The following PDE1C variants were observed in gnomAD, a reference collection of about 807,000 sequenced individuals.
PDE1C encodes the protein phosphodiesterase 1C.
Under a neutral mutation model 93.1 loss-of-function variants are expected in PDE1C, and 62 were observed. The observed-to-expected ratio is 0.67, with a 90% CI of 0.54 to 0.82. PDE1C has a LOEUF of 0.82. Ranked by LOEUF, PDE1C falls within the 40% of genes least tolerant of loss-of-function variation. The pLI, the probability that PDE1C is intolerant of heterozygous loss-of-function variation, is 0.00. For synonymous variants in PDE1C, 325 were observed against 310.1 expected, an observed-to-expected ratio of 1.05 and a Z score of -0.50; for missense variants, 742 against 884.6, an observed-to-expected ratio of 0.84 and a Z score of 2.04.
chr7:32,156,903 T>C (rs1485976206), intron 3 of PDE1C, among the ~76,000 whole-genome samples: 1 of 152,220 alleles, frequency 6.6e-6, no homozygotes, highest in Non-Finnish European at 1.5e-5. Context: ...AAAGGTACCC[T>C]GACAGTGGAC....
chr7:31,798,285 C>G (rs879522283), intron 16 of PDE1C, among the ~76,000 whole-genome samples: 1 of 151,684 alleles, frequency 6.6e-6, no homozygotes, highest in Non-Finnish European at 1.5e-5. Flanking sequence ...TCAACTCTTC[C>G]TTTACTGTCA....
Position 32,322,761 on chromosome 7 carries a change from G to A in PDE1C, c.310+105061C>T, listed in dbSNP as rs374292431. ...CTCCCAAGTAGCTGGGAATACAGGC[G>A]CCTGCCACCACACCTGGCTAATTTT... On this transcript the variant is annotated intron_variant, in intron 1 of 1. Coordinates refer to the PDE1C transcript ENST00000672256. Among the ~76,000 whole-genome samples the A allele has an allele frequency of 6.6e-5, 10 of 152,008 alleles. No individual in the cohort carries two copies. In the East Asian group the frequency reaches 9.7e-4, roughly 15 times the overall value.
chr7:31,873,964 G>A (rs1796241212), intron 5 of PDE1C, among the ~76,000 whole-genome samples: 1 of 152,156 alleles, frequency 6.6e-6, no homozygotes, highest in Non-Finnish European at 1.5e-5. Context: ...TTACAGTTAA[G>A]AATGTTAACT....
At chr7:32,147,303 A>AGAAAGAAAGAAG (rs1800941257) in intron 3 of PDE1C, among the ~76,000 whole-genome samples, 2 of 111,222 alleles carry the variant, frequency 1.8e-5, no homozygotes, top group Admixed American at 9.0e-5. Flanking sequence ...AAAGAAAGAA[A>AGAAAGAAAGAAG]GAAAGAAAGA....
rs1330103433 is a variant in PDE1C at position 31,828,492 on chromosome 7, A to G, written c.1204-119T>C. On this transcript the variant is annotated intron_variant, in intron 11 of 17. Transcript: ENST00000396191. ...TCTTTATTTTAATTATTACAATTACATTATAAAATAAGTCTTTATGGAGCC... is the reference window on the plus strand; with the variant it reads ...TCTTTATTTTAATTATTACAATTACGTTATAAAATAAGTCTTTATGGAGCC... The G allele has an allele frequency of 6.2e-6, 4 of 640,108 alleles. No individual in the cohort carries two copies. In the East Asian group the frequency reaches 1.1e-4, roughly 18 times the overall value. 39.7% of individuals were successfully genotyped at this position (640,108 alleles called of 1,614,324 possible).
At chr7:32,330,908 C>T (rs1015992231) in intron 1 of PDE1C, among the ~76,000 whole-genome samples, 1 of 152,186 alleles carries the variant, frequency 6.6e-6, no homozygotes, top group African/African-American at 2.4e-5. Flanking sequence ...GGCCATCGGT[C>T]CCCTGGGAAG....
At chr7:32,000,143 A>T (rs1251444265) in intron 2 of PDE1C, among the ~76,000 whole-genome samples, 1 of 152,198 alleles carries the variant, frequency 6.6e-6, no homozygotes, top group Non-Finnish European at 1.5e-5. Flanking sequence ...CGGCAGTATA[A>T]CTAGACTGTA....
At chr7:32,309,973 A>G (rs1048234542) in intron 1 of PDE1C, among the ~76,000 whole-genome samples, 3 of 152,246 alleles carry the variant, frequency 2.0e-5, no homozygotes, top group African/African-American at 7.2e-5. Flanking sequence ...ATAAAGAGTT[A>G]AGACCCATCA....
At chr7:31,876,848 G>C (rs770506192) in intron 5 of PDE1C, among the ~76,000 whole-genome samples, 1 of 152,098 alleles carries the variant, frequency 6.6e-6, no homozygotes, top group Non-Finnish European at 1.5e-5. Flanking sequence ...GGAAAGGGTA[G>C]AGACAAACAA....
intron 2 of PDE1C, among the ~76,000 whole-genome samples, chr7:31,888,042 CAGG>C (rs1798168033): frequency 6.6e-6 from 1 of 151,658 alleles, no homozygotes; most frequent in Admixed American, 6.6e-5. Flanking sequence ...ATCACGAGGT[CAGG>C]AGATCATACT....
At chr7:31,670,553 G>T in the PDE1C span, among the ~76,000 whole-genome samples, 3 of 152,086 alleles carry the variant, frequency 2.0e-5, no homozygotes, top group African/African-American at 7.2e-5. Flanking sequence ...CCCAATTATA[G>T]CTTGGATTCT....
intron 7 of PDE1C, among the ~76,000 whole-genome samples, chr7:31,864,667 T>G (rs754881405): frequency 6.6e-5 from 10 of 152,142 alleles, no homozygotes; most frequent in Non-Finnish European, 1.3e-4. Context: ...GAAATACATA[T>G]TTAGTTGTAG....
At chr7:32,231,424 A>C (rs976067476) in intron 1 of PDE1C, among the ~76,000 whole-genome samples, 10 of 152,244 alleles carry the variant, frequency 6.6e-5, no homozygotes, top group Admixed American at 6.5e-4. Context: ...GAAATGGATA[A>C]ATTCCTAGAA....
At chr7:32,176,543 A>G (rs548047246) in intron 2 of PDE1C, among the ~76,000 whole-genome samples, 3 of 152,312 alleles carry the variant, frequency 2.0e-5, no homozygotes, top group Non-Finnish European at 4.4e-5. Context: ...AAAATTTACA[A>G]ATCCTAAAAT....
chr7:32,295,848 C>G (rs867572693), intron 1 of PDE1C, among the ~76,000 whole-genome samples: 2 of 137,370 alleles, frequency 1.5e-5, no homozygotes, highest in African/African-American at 5.6e-5. Context: ...GAGCTGAGAT[C>G]GGGTCACTGC....
chr7:32,139,300 C>CTTTTTTTTTT (rs34277412), intron 3 of PDE1C, among the ~76,000 whole-genome samples: 4 of 82,922 alleles, frequency 4.8e-5, no homozygotes, highest in African/African-American at 4.8e-5. Flanking sequence ...CAAAATCAAC[C>CTTTTTTTTTT]TTTTTTTTTT....
intron 2 of PDE1C, among the ~76,000 whole-genome samples, chr7:32,049,830 A>G (rs1420541344): frequency 1.3e-5 from 2 of 152,184 alleles, no homozygotes; most frequent in Non-Finnish European, 2.9e-5. Context: ...TTTATTTCCT[A>G]ACTCTTCTCA....
At chr7:32,064,969 C>T (rs968825349) in intron 1 of PDE1C, among the ~76,000 whole-genome samples, 2 of 144,604 alleles carry the variant, frequency 1.4e-5, no homozygotes, top group South Asian at 2.2e-4. Context: ...GAAAGTAAGG[C>T]TCTTGGGAAT....
the PDE1C span, among the ~76,000 whole-genome samples, chr7:31,737,525 G>A: frequency 6.6e-6 from 1 of 151,990 alleles, no homozygotes; most frequent in Non-Finnish European, 1.5e-5. Context: ...GTCCAGGCTG[G>A]GTGCAGTGGC....
Sources: gnomAD v4.1 joint callset for allele counts (sites outside exome capture counted in the v4.1 genomes callset) on GRCh38, gnomAD v4.1.1 for gene constraint, MANE v1.5 for transcripts, NCBI Gene and HGNC (gene_info 2026-07-23, HGNC 2026-07-21) for gene names.